Variants in ROBO1 observed in about 807,000 individuals in gnomAD.
The protein encoded by ROBO1 is roundabout guidance receptor 1.
In ROBO1, 149 loss-of-function variants were observed where a neutral mutation model predicts 195.9. That is an observed-to-expected ratio of 0.76 (90% CI 0.67 to 0.87). The LOEUF (loss-of-function observed/expected upper bound fraction) is 0.87. Ranked by LOEUF, ROBO1 falls within the 40% of genes least tolerant of loss-of-function variation. The pLI is 0.00. For missense variants in ROBO1, 1,933 were observed against 2,068.3 expected (o/e 0.93, Z 1.27); for synonymous variants, 816 against 733.2 (o/e 1.11, Z -1.82).
chr3:78,966,106 G>A (rs2076638552), intron 3 of ROBO1, among the ~76,000 whole-genome samples: 1 of 152,260 alleles, frequency 6.6e-6, no homozygotes, highest in East Asian at 1.9e-4. Flanking sequence ...AACTGAGCAA[G>A]CAAGGGATCT....
chr3:79,396,877 G>A (rs1014567958), intron 2 of ROBO1, among the ~76,000 whole-genome samples: 3 of 151,948 alleles, frequency 2.0e-5, no homozygotes, highest in Non-Finnish European at 4.4e-5. Context: ...TAAAAACTTT[G>A]CCTTTTTCAA....
chr3:78,779,550 T>C (rs188570622), intron 4 of ROBO1, among the ~76,000 whole-genome samples: 12 of 152,116 alleles, frequency 7.9e-5, no homozygotes, highest in East Asian at 3.9e-4. Flanking sequence ...ATCAAAACCA[T>C]AATGAGATGC....
At chr3:79,696,397 AG>A (rs1947449380) in intron 1 of ROBO1, among the ~76,000 whole-genome samples, 2 of 150,470 alleles carry the variant, frequency 1.3e-5, no homozygotes, top group Admixed American at 6.7e-5. Context: ...AATTATATTT[AG>A]GAATTGATCT....
rs568394855 is a variant in ROBO1, at chr3:78,967,494, A to C, written c.173-28567T>G. Among the ~76,000 whole-genome samples, 5 of 152,058 alleles carry C rather than the reference A, an allele frequency of 3.3e-5. No homozygotes were observed. The South Asian group carries it at 1.0e-3, about 32-fold the overall frequency. ...ACATCCATCTAACACTCCCCATTTC[A>C]CTTTCTCCAAGAGAGAAAGAAACTG... On this transcript the variant is annotated intron_variant, in intron 3 of 30. Coordinates refer to ENST00000464233, the MANE Select transcript of ROBO1 (RefSeq NM_002941.4).
intron 2 of ROBO1, among the ~76,000 whole-genome samples, chr3:79,127,134 A>AT (rs1335081993): frequency 6.6e-6 from 1 of 152,164 alleles, no homozygotes; most frequent in Non-Finnish European, 1.5e-5. Context: ...GCTGCAAGTG[A>AT]TAAGGCAGAA....
chr3:78,943,814 AT>A (rs1283186893), intron 3 of ROBO1, among the ~76,000 whole-genome samples: 1 of 152,220 alleles, frequency 6.6e-6, no homozygotes, highest in Non-Finnish European at 1.5e-5. Context: ...TTACTTGACT[AT>A]TAAGCCAATA....
At chr3:78,876,109 A>G (rs1576328757) in intron 4 of ROBO1, among the ~76,000 whole-genome samples, 2 of 152,244 alleles carry the variant, frequency 1.3e-5, no homozygotes, top group Admixed American at 6.5e-5. Flanking sequence ...ACAGTTATGT[A>G]GTCAAGAAAA....
chr3:79,395,340 A>AAAAAAAAAAAAAAAAAAAAG (rs71631648), intron 2 of ROBO1, among the ~76,000 whole-genome samples: 10 of 119,060 alleles, frequency 8.4e-5, no homozygotes, highest in South Asian at 2.7e-4. Context: ...AAAAAAAAAA[A>AAAAAAAAAAAAAAAAAAAAG]AAAGAAAGAA....
intron 3 of ROBO1, among the ~76,000 whole-genome samples, chr3:79,009,417 T>C (rs1457341296): frequency 2.6e-5 from 4 of 152,140 alleles, no homozygotes; most frequent in African/African-American, 4.8e-5. Context: ...CCTATGGAAA[T>C]AGATGAATAT....
intron 2 of ROBO1, among the ~76,000 whole-genome samples, chr3:79,262,737 A>T (rs1005641792): frequency 5.9e-5 from 9 of 152,104 alleles, no homozygotes; most frequent in Non-Finnish European, 1.3e-4. Context: ...GCATTATATC[A>T]TATGTATTTT....
chr3:79,412,512 G>C (rs891407250), intron 2 of ROBO1, among the ~76,000 whole-genome samples: 2 of 152,106 alleles, frequency 1.3e-5, no homozygotes, highest in Admixed American at 6.6e-5. Context: ...TCAAACAGAG[G>C]TGGTTGTTAA....
At chr3:79,524,972 CAGAG>C (rs1408572656) in intron 2 of ROBO1, among the ~76,000 whole-genome samples, 1 of 151,592 alleles carries the variant, frequency 6.6e-6, no homozygotes, top group Admixed American at 6.6e-5. Flanking sequence ...GAGAGAGAAA[CAGAG>C]AGCCACAAAG....
intron 2 of ROBO1, among the ~76,000 whole-genome samples, chr3:79,274,370 C>T (rs560943993): frequency 1.2e-4 from 18 of 151,774 alleles, no homozygotes; most frequent in Non-Finnish European, 2.2e-4. Context: ...AAAAAATACA[C>T]GGAAATTAAA....
chr3:79,047,789 C>T (rs533416204), intron 3 of ROBO1, among the ~76,000 whole-genome samples: 2 of 152,036 alleles, frequency 1.3e-5, no homozygotes, highest in African/African-American at 4.8e-5. Flanking sequence ...GACATTAAGC[C>T]CTACAAATGA....
At chr3:79,522,853 A>G (rs1045962248) in intron 2 of ROBO1, among the ~76,000 whole-genome samples, 4 of 152,170 alleles carry the variant, frequency 2.6e-5, no homozygotes, top group African/African-American at 9.7e-5. Flanking sequence ...GACTATCAGT[A>G]TTCAACTCCA....
rs142126739 is a variant in ROBO1, at chr3:78,975,767, G to A, written c.173-36840C>T. ...ATTACATAAGCACTGAAATTAATTCGTCCACCTCTTCCATAGCCCAAGGTA... is the reference window on the plus strand; with the variant it reads ...ATTACATAAGCACTGAAATTAATTCATCCACCTCTTCCATAGCCCAAGGTA... On this transcript the variant is annotated intron_variant, in intron 3 of 30. Transcript: ENST00000464233. 2.9e-3 allele frequency among the ~76,000 whole-genome samples: 434 copies of A among 152,142 alleles called. 3 individuals carry two copies. Among genetic ancestry groups the A allele is most frequent in the African/African-American group, 9.8e-3 (406 of 41,506 alleles).
At chr3:79,162,536 A>G (rs1300863006) in intron 2 of ROBO1, among the ~76,000 whole-genome samples, 2 of 152,148 alleles carry the variant, frequency 1.3e-5, no homozygotes. Context: ...GTTTGCATCA[A>G]ACGTTAGCCA....
intron 3 of ROBO1, among the ~76,000 whole-genome samples, chr3:79,116,993 G>A (rs1401582772): frequency 6.6e-6 from 1 of 152,094 alleles, no homozygotes; most frequent in Non-Finnish European, 1.5e-5. Context: ...AATACAAAAG[G>A]CCGACTGTAT....
intron 3 of ROBO1, among the ~76,000 whole-genome samples, chr3:79,107,777 T>C (rs1178566135): frequency 6.6e-6 from 1 of 151,752 alleles, no homozygotes; most frequent in East Asian, 1.9e-4. Flanking sequence ...TTAATTGACA[T>C]ATTTCTAGCA....
Sources: gnomAD v4.1 joint callset for allele counts (sites outside exome capture counted in the v4.1 genomes callset) on GRCh38, gnomAD v4.1.1 for gene constraint, MANE v1.5 for transcripts, NCBI Gene and HGNC (gene_info 2026-07-23, HGNC 2026-07-21) for gene names.